The following NREP variants were observed in gnomAD, a reference collection of about 807,000 sequenced individuals.
The protein encoded by NREP is neuronal regeneration-related protein.
A neutral mutation model predicts 8.6 loss-of-function variants in NREP; 5 were observed. That is an observed-to-expected ratio of 0.58 (90% CI 0.30 to 1.22). The LOEUF (loss-of-function observed/expected upper bound fraction) is 1.22. Among genes scored for constraint, NREP ranks in the 50% most tolerant of loss-of-function variants. NREP has a pLI of 0.07. For synonymous variants in NREP, 27 were observed against 28.0 expected, an observed-to-expected ratio of 0.96 and a Z score of 0.11; for missense variants, 86 against 82.5, an observed-to-expected ratio of 1.04 and a Z score of -0.17.
intron 2 of NREP, among the ~76,000 whole-genome samples, chr5:111,939,347 G>A (rs560295173): frequency 1.3e-5 from 2 of 152,004 alleles, no homozygotes; most frequent in Non-Finnish European, 2.9e-5. Flanking sequence ...ATCATTTCTG[G>A]CAGAGCCAGG....
chr5:111,949,224 G>A (rs549928676), intron 2 of NREP, among the ~76,000 whole-genome samples: 13 of 152,128 alleles, frequency 8.5e-5, no homozygotes, highest in African/African-American at 3.1e-4. Context: ...GCTATAAAAT[G>A]GGCTGAAAAC....
chr5:111,949,684 G>A (rs375461144), intron 2 of NREP, among the ~76,000 whole-genome samples: 12 of 151,990 alleles, frequency 7.9e-5, no homozygotes, highest in South Asian at 2.1e-4. Flanking sequence ...GTGGTGTTTC[G>A]TTTTCTGTTT....
intron 2 of NREP, among the ~76,000 whole-genome samples, chr5:111,740,198 G>A (rs866993544): frequency 3.4e-4 from 51 of 152,112 alleles, no homozygotes; most frequent in Admixed American, 2.9e-3. Context: ...ACAACAGAAC[G>A]TCATAAAGAA....
upstream of NREP, among the ~76,000 whole-genome samples, chr5:111,759,236 C>T (rs775264291): frequency 6.6e-6 from 1 of 152,086 alleles, no homozygotes; most frequent in African/African-American, 2.4e-5. Flanking sequence ...TGGGAAAGGA[C>T]CCCAAGGGCG....
At chr5:111,946,059 C>T (rs1231672155) in intron 2 of NREP, among the ~76,000 whole-genome samples, 1 of 139,358 alleles carries the variant, frequency 7.2e-6, no homozygotes, top group Non-Finnish European at 1.5e-5. Context: ...AGGAGACTCT[C>T]CAAAGAGATT....
chr5:111,913,649 T>C (rs1013131954), intron 2 of NREP, among the ~76,000 whole-genome samples: 4 of 152,066 alleles, frequency 2.6e-5, no homozygotes, highest in African/African-American at 9.7e-5. Context: ...GGTAAGAGGA[T>C]GATAGTGAGG....
chr5:111,925,946 A>G (rs1755371757), intron 2 of NREP, among the ~76,000 whole-genome samples: 2 of 152,078 alleles, frequency 1.3e-5, no homozygotes. Flanking sequence ...TATAAGAAAC[A>G]TGTTATTTGT....
At chr5:111,883,088 C>T (rs200381867) in intron 2 of NREP, among the ~76,000 whole-genome samples, 14 of 151,702 alleles carry the variant, frequency 9.2e-5, no homozygotes, top group South Asian at 6.2e-4. Context: ...AGCCATCTCA[C>T]GTGCAGAGAC....
chr5:111,903,745 C>G (rs2074250595), intron 2 of NREP, among the ~76,000 whole-genome samples: 1 of 152,054 alleles, frequency 6.6e-6, no homozygotes, highest in African/African-American at 2.4e-5. Flanking sequence ...ATTAAATAAG[C>G]AGCAACACAG....
At chr5:111,786,738 G>C (rs899448636) in intron 2 of NREP, among the ~76,000 whole-genome samples, 8 of 152,142 alleles carry the variant, frequency 5.3e-5, no homozygotes, top group Non-Finnish European at 1.2e-4. Flanking sequence ...AGGGAATTAG[G>C]ATCTTTTGAG....
chr5:111,827,120 G>A (rs1392301307), intron 2 of NREP, among the ~76,000 whole-genome samples: 2 of 152,058 alleles, frequency 1.3e-5, no homozygotes, highest in Admixed American at 6.5e-5. Flanking sequence ...GTTAGTAGTC[G>A]GCTTTCCCAT....
chr5:111,956,830 G>A (rs973302147), intron 2 of NREP, among the ~76,000 whole-genome samples: 1 of 151,964 alleles, frequency 6.6e-6, no homozygotes, highest in South Asian at 2.1e-4. Context: ...CAGGCGTGGT[G>A]GTGTATGCCT....
chr5:111,813,468 ACATGCTTGTATTCGTT>A (rs1752314350), intron 2 of NREP, among the ~76,000 whole-genome samples: 1 of 152,100 alleles, frequency 6.6e-6, no homozygotes, highest in Admixed American at 6.5e-5. Flanking sequence ...TTATATTCTA[ACATGCTTGTATTCGTT>A]CATGCTTATA....
intron 2 of NREP, among the ~76,000 whole-genome samples, chr5:111,933,257 C>T (rs552459265): frequency 1.7e-4 from 26 of 152,150 alleles, no homozygotes; most frequent in Middle Eastern, 6.8e-3. Context: ...GTCTGCCACC[C>T]GGGAAAGGAG....
chr5:111,975,913 G>A (rs1756948152), intron 1 of NREP, among the ~76,000 whole-genome samples: 1 of 152,130 alleles, frequency 6.6e-6, no homozygotes. Context: ...CTTTGTCAGT[G>A]TCTCACTATA....
chr5:111,729,124 A>AATC (rs1468774625), downstream of NREP: 1 of 152,150 alleles, frequency 6.6e-6, no homozygotes, highest in East Asian at 1.9e-4. Context: ...CCTAGCCCCT[A>AATC]ATCTCATAAA....
intron 2 of NREP, among the ~76,000 whole-genome samples, chr5:111,836,944 G>C (rs772424943): frequency 2.0e-5 from 3 of 151,990 alleles, no homozygotes; most frequent in Non-Finnish European, 4.4e-5. Flanking sequence ...GTATCATCTT[G>C]GGGAAAATGG....
chr5:111,975,126 TG>T (rs1756925556), intron 2 of NREP: 1 of 629,636 alleles, frequency 1.6e-6, no homozygotes, highest in African/African-American at 1.8e-5. Context: ...GGAAATAGGC[TG>T]AAAAGCCTGA....
intron 2 of NREP, among the ~76,000 whole-genome samples, chr5:111,965,538 T>C (rs768352814): frequency 2.6e-5 from 4 of 152,184 alleles, no homozygotes; most frequent in African/African-American, 7.2e-5. Flanking sequence ...AGCTCACCAT[T>C]GCCCAGCTCC....
Sources: allele counts gnomAD v4.1 joint callset (sites outside exome capture counted in the v4.1 genomes callset), GRCh38; gene constraint gnomAD v4.1.1; transcripts MANE v1.5; gene names NCBI Gene and HGNC (gene_info 2026-07-23, HGNC 2026-07-21).